RNF144A: variants seen among roughly 807,000 people sequenced by gnomAD.
RNF144A encodes ring finger protein 144A, also known as E3 ubiquitin-protein ligase RNF144A.
Under a neutral mutation model 38.7 loss-of-function variants are expected in RNF144A, and 11 were observed. That is an observed-to-expected ratio of 0.28 (90% CI 0.18 to 0.47). The LOEUF (loss-of-function observed/expected upper bound fraction) is 0.47, where lower values mean the gene tolerates loss of function less well. RNF144A is among the 20% of genes least tolerant of loss of function. RNF144A has a pLI of 0.99. For missense variants in RNF144A, 316 were observed against 377.2 expected, an observed-to-expected ratio of 0.84 and a Z score of 1.34; for synonymous variants, 149 against 143.9, an observed-to-expected ratio of 1.04 and a Z score of -0.25.
chr2:6,970,291 C>G (rs921749910), intron 2 of RNF144A, among the ~76,000 whole-genome samples: 3 of 152,134 alleles, frequency 2.0e-5, no homozygotes, highest in Non-Finnish European at 4.4e-5. Flanking sequence ...GTCAGTGGGT[C>G]TCATGAGATC....
chr2:7,041,243 A>G lies in RNF144A; in HGVS notation c.*1483A>G. On this transcript the variant is annotated 3_prime_UTR_variant, in exon 9 of 9. Coordinates refer to ENST00000320892, the MANE Select transcript of RNF144A (RefSeq NM_014746.6). ...TGCCCATCACAAGCACATTTTTAAA[A>G]TGTTGCTTTGTGTGTGTTTGACTTC... The G allele has an allele frequency of 1.0e-6, 1 of 985,660 alleles. No homozygotes were observed. Among genetic ancestry groups the G allele is most frequent in the Non-Finnish European group, 1.2e-6 (1 of 829,922 alleles). 61.1% of individuals were successfully genotyped at this position (985,660 alleles called of 1,614,324 possible). A position where few individuals can be genotyped will look rare whatever the true frequency, so the allele number is the denominator to read the frequency against.
chr2:6,959,612 C>T (rs1283614183), intron 2 of RNF144A, among the ~76,000 whole-genome samples: 1 of 152,134 alleles, frequency 6.6e-6, no homozygotes, highest in Non-Finnish European at 1.5e-5. Flanking sequence ...CAGAAGGCAT[C>T]ACAGGATGAG....
chr2:6,937,906 A>T (rs748262339), intron 1 of RNF144A, among the ~76,000 whole-genome samples: 13 of 152,200 alleles, frequency 8.5e-5, no homozygotes, highest in Non-Finnish European at 1.8e-4. Flanking sequence ...TAACGAGGGA[A>T]TATCTACCAA....
intron 8 of RNF144A, among the ~76,000 whole-genome samples, chr2:7,032,678 C>G (rs1672402861): frequency 6.6e-6 from 1 of 152,230 alleles, no homozygotes; most frequent in Admixed American, 6.5e-5. Flanking sequence ...GTCCAAATCC[C>G]CCCTTTCTAT....
At chr2:6,997,111 T>G (rs778955136) in intron 3 of RNF144A, 50 bp downstream of exon 3, 7 of 1,596,506 alleles carry the variant, frequency 4.4e-6, no homozygotes, top group Non-Finnish European at 6.0e-6. Flanking sequence ...AGGATGAGCT[T>G]TTTGCTTTCA....
At chr2:7,050,596 A>G (rs1004370828) in intron 6 of RNF144A, among the ~76,000 whole-genome samples, 1 of 152,022 alleles carries the variant, frequency 6.6e-6, no homozygotes, top group Non-Finnish European at 1.5e-5. Flanking sequence ...CTCTGTTTCC[A>G]TCTTGTGATG....
rs756040051 is a variant in RNF144A, at chr2:7,043,798, GC to G, written c.*4042del. ...AGCCTTCAGTGAGGGGTAGCTACAT[GC>G]CCCATGCCTGCCCTTTCTTTCCTTC... On this transcript the variant is annotated 3_prime_UTR_variant, in exon 9 of 9. Coordinates refer to ENST00000320892, the MANE Select transcript of RNF144A (RefSeq NM_014746.6). 5.1e-6 allele frequency: 5 copies of G among 985,846 alleles called. No individual in the cohort carries two copies. Among genetic ancestry groups the G allele is most frequent in the Non-Finnish European group, 6.0e-6 (5 of 829,926 alleles). 61.1% of individuals were successfully genotyped at this position (985,846 alleles called of 1,614,324 possible).
chr2:6,972,823 G>A (rs765349630), intron 2 of RNF144A, among the ~76,000 whole-genome samples: 4 of 152,188 alleles, frequency 2.6e-5, no homozygotes, highest in South Asian at 2.1e-4. Flanking sequence ...CAGAAGATCC[G>A]CAGGGAAGAG....
chr2:6,958,678 C>T lies in RNF144A; in HGVS notation c.-12+17531C>T, dbSNP rs1335154081. On this transcript the variant is annotated intron_variant, in intron 2 of 8. Coordinates refer to ENST00000320892, the MANE Select transcript of RNF144A (RefSeq NM_014746.6). The surrounding 1 kb of genome is among the most constrained non-coding windows in gnomAD (Gnocchi z 4.5). ...AGTGTTCATGATTCTGGGGGACTGT[C>T]CACGTGACCGTAATCTATTTCCCAG... Among the ~76,000 whole-genome samples, 1 of 152,112 alleles carries T rather than the reference C, an allele frequency of 6.6e-6. No individual in the cohort carries two copies. Among genetic ancestry groups the T allele is most frequent in the African/African-American group, 2.4e-5 (1 of 41,416 alleles).
At chr2:6,984,812 G>GGTGC (rs1191755586) in intron 2 of RNF144A, among the ~76,000 whole-genome samples, 28 of 152,240 alleles carry the variant, frequency 1.8e-4, no homozygotes, top group African/African-American at 6.0e-4. Flanking sequence ...GACATGCAAG[G>GGTGC]GTGCCTCTAG....
intron 6 of RNF144A, among the ~76,000 whole-genome samples, chr2:7,066,737 T>C (rs901742576): frequency 1.3e-5 from 2 of 152,220 alleles, no homozygotes; most frequent in Non-Finnish European, 1.5e-5. Context: ...GCATACTTGG[T>C]TCACTTACAT....
chr2:7,004,861 G>C (rs1253532444), intron 3 of RNF144A, among the ~76,000 whole-genome samples: 4 of 152,152 alleles, frequency 2.6e-5, no homozygotes, highest in Non-Finnish European at 4.4e-5. Flanking sequence ...TGAAGAGAAG[G>C]GGTTTTCTTA....
At chr2:6,920,969 T>A (rs1057239609) in intron 1 of RNF144A, among the ~76,000 whole-genome samples, 2 of 152,220 alleles carry the variant, frequency 1.3e-5, no homozygotes, top group African/African-American at 4.8e-5. Flanking sequence ...GTGTAAATAT[T>A]TTCCAAGATC....
chr2:6,949,970 C>A (rs188961382), intron 2 of RNF144A, among the ~76,000 whole-genome samples: 4 of 151,976 alleles, frequency 2.6e-5, no homozygotes. Context: ...TTTTTATTTA[C>A]CCCTCTAGAA....
Position 7,041,604 on chromosome 2 carries a change from C to T in RNF144A, c.*1844C>T. 1 of 985,880 alleles carries T rather than the reference C, an allele frequency of 1.0e-6. No individual in the cohort carries two copies. Among genetic ancestry groups the T allele is most frequent in the Non-Finnish European group, 1.2e-6 (1 of 829,992 alleles). The allele number at this position is 985,880 out of a possible 1,614,324, so 61.1% of individuals were successfully genotyped here. ...CTTTTCTGGAGGTGGGTGGCAACTC[C>T]ACGCGGGAGTCATTGGCTGGGCTTG... is the stretch of plus-strand genomic sequence containing the variant. On this transcript the variant is annotated 3_prime_UTR_variant, in exon 9 of 9. Coordinates refer to ENST00000320892, the MANE Select transcript of RNF144A (RefSeq NM_014746.6).
At chr2:7,058,232 A>C (rs1425332234) in intron 6 of RNF144A, among the ~76,000 whole-genome samples, 2 of 152,086 alleles carry the variant, frequency 1.3e-5, no homozygotes, top group East Asian at 3.9e-4. Flanking sequence ...TCAGAAATGA[A>C]GAAAGAGAAG....
intron 6 of RNF144A, among the ~76,000 whole-genome samples, chr2:7,064,765 C>T (rs1038072104): frequency 2.6e-5 from 4 of 152,160 alleles, no homozygotes; most frequent in Admixed American, 6.5e-5. Context: ...ATTTGAGCTT[C>T]GCCTTGACAC....
downstream of RNF144A, among the ~76,000 whole-genome samples, chr2:7,046,021 G>A (rs1673295782): frequency 6.6e-6 from 1 of 152,240 alleles, no homozygotes; most frequent in South Asian, 2.1e-4. Context: ...TGCCAGCAAA[G>A]AGTCTTATCA....
Position 7,041,297 on chromosome 2 carries a change from G to C in RNF144A, c.*1537G>C, listed in dbSNP as rs1043528386. 5.1e-6 allele frequency: 5 copies of C among 985,660 alleles called. No homozygotes were observed. The African/African-American group carries it at 8.7e-5, about 17-fold the overall frequency. The allele number at this position is 985,660 out of a possible 1,614,324, so 61.1% of individuals were successfully genotyped here. On this transcript the variant is annotated 3_prime_UTR_variant, in exon 9 of 9. Transcript: ENST00000320892. ...ATTTGAGTATCAGTCTCAGGTCCTA[G>C]TTTACTTTCCCTGGTTGGAAATTTA...
Sources: gnomAD v4.1 joint callset for allele counts (sites outside exome capture counted in the v4.1 genomes callset) on GRCh38, gnomAD v4.1.1 for gene constraint, Gnocchi (gnomAD v3.1) non-coding constraint, MANE v1.5 for transcripts, NCBI Gene and HGNC (gene_info 2026-07-23, HGNC 2026-07-21) for gene names.